The following MROH2B variants were observed in gnomAD, a reference collection of about 807,000 sequenced individuals.
MROH2B encodes the protein maestro heat-like repeat-containing protein family member 2B.
Under a neutral mutation model 208.6 loss-of-function variants are expected in MROH2B, and 177 were observed. The observed-to-expected ratio is 0.85, with a 90% CI of 0.75 to 0.96. MROH2B has a LOEUF of 0.96. MROH2B is among the 40% of genes least tolerant of loss of function. The pLI, the probability that MROH2B is intolerant of heterozygous loss-of-function variation, is 0.00. For synonymous variants in MROH2B, 728 were observed against 659.0 expected, an observed-to-expected ratio of 1.10 and a Z score of -1.60; for missense variants, 2,002 against 1,878.7, an observed-to-expected ratio of 1.07 and a Z score of -1.21.
chr5:41,016,566 C>A (rs1459806476), intron 28 of MROH2B, among the ~76,000 whole-genome samples: 1 of 121,170 alleles, frequency 8.3e-6, no homozygotes, highest in Non-Finnish European at 1.6e-5. Flanking sequence ...GCAACCTCTG[C>A]CTTCCAGGTT....
intron 1 of MROH2B, among the ~76,000 whole-genome samples, chr5:41,070,351 T>A (rs1311339632): frequency 6.6e-6 from 1 of 152,074 alleles, no homozygotes; most frequent in African/African-American, 2.4e-5. Flanking sequence ...GGAAAAAAAA[T>A]TGAGTCAAAG....
intron 30 of MROH2B, among the ~76,000 whole-genome samples, chr5:41,011,788 C>A (rs1258727670): frequency 6.6e-6 from 1 of 152,028 alleles, no homozygotes; most frequent in African/African-American, 2.4e-5. Context: ...CTGCCTCAGC[C>A]TCCCAAGTAG....
chr5:41,058,254 A>G (rs530914319), intron 6 of MROH2B, 51 bp from the exon 7 acceptor site: 4 of 1,423,938 alleles, frequency 2.8e-6, no homozygotes, highest in East Asian at 2.6e-5. Context: ...TATGTTTTTC[A>G]TAGGTTTTCA....
chr5:41,023,036 C>G (rs1322360864), intron 24 of MROH2B, among the ~76,000 whole-genome samples: 1 of 152,134 alleles, frequency 6.6e-6, no homozygotes, highest in African/African-American at 2.4e-5. Flanking sequence ...ACCAAAACCC[C>G]GTCTGTACAT....
At chr5:41,000,096 C>T (rs1466563592) in intron 39 of MROH2B, 124 bp downstream of exon 39, 5 of 1,295,338 alleles carry the variant, frequency 3.9e-6, no homozygotes, top group Non-Finnish European at 5.4e-6. Context: ...CAGGATATCA[C>T]TGCCATCCTT....
chr5:41,050,039 C>T (rs1743240435), intron 13 of MROH2B, among the ~76,000 whole-genome samples: 1 of 152,152 alleles, frequency 6.6e-6, no homozygotes, highest in South Asian at 2.1e-4. Context: ...AATCACCAGA[C>T]TCAGTCCTTT....
Position 41,054,835 on chromosome 5 carries a change from T to C in MROH2B, c.1039A>G (p.Arg347Gly), listed in dbSNP as rs1373922352. ...ATTGAAATGATGTGATCCCTCAACC[T>C]GGGCTCTGAAAGACAGAGGGAGAAA... ...LRLAVNADEP[R>G]LRDHIISIER... The change falls in exon 11 of 42, where the codon AGG becomes GGG. Residue 347 changes from arginine (R) to glycine (G), a missense_variant. Transcript: ENST00000399564. 1.1e-5 allele frequency: 17 copies of C among 1,609,098 alleles called. No homozygotes were observed. Among genetic ancestry groups the C allele is most frequent in the Non-Finnish European group, 1.4e-5 (17 of 1,177,418 alleles).
chr5:41,051,014 A>C lies in MROH2B; in HGVS notation c.1307T>G (p.Leu436Ter). 1.3e-6 allele frequency: 2 copies of C among 1,566,968 alleles called. No homozygotes were observed. The highest frequency in any genetic ancestry group is 1.7e-6 in the Non-Finnish European group (2 of 1,162,422). ...AATGACCAGTGGGTCCAGGGTTTTT[A>C]AGACCTCAAGGCTTGTTTCTCGGAC... ...ESVRETSLEV[L>*]KTLDPLVIGM... is the part of the protein sequence containing the mutation. Residue 436 changes from leucine to a stop codon, truncating the protein, a stop_gained, in exon 13 of 42, where the codon TTA becomes TGA. Transcript: ENST00000399564. LOFTEE classifies it high-confidence loss of function.
chr5:41,069,634 A>G, intron 2 of MROH2B, 57 bp downstream of exon 2: 1 of 1,350,520 alleles, frequency 7.4e-7, no homozygotes, highest in East Asian at 2.4e-5. Flanking sequence ...AATATATACG[A>G]AATGTTGCAA....
At chr5:41,055,331 C>T (rs1385301266) in intron 10 of MROH2B, among the ~76,000 whole-genome samples, 2 of 152,134 alleles carry the variant, frequency 1.3e-5, no homozygotes, top group African/African-American at 4.8e-5. Flanking sequence ...AAGATGCATT[C>T]AGTGTTATGA....
At position 41,052,503 on chromosome 5, in the gene MROH2B, A is replaced by C. The variant is rs772186385; in HGVS notation, c.1192T>G (p.Tyr398Asp). The part of the protein sequence containing the change: ...EAREGWPLID[Y>D]VFSQFATLNR... Reference sequence around the variant, plus strand: ...AACGTTGCAAACTGGGAGAAGACATAATCAATCAATGGCCATCCTTCCCGA... The same window carrying C: ...AACGTTGCAAACTGGGAGAAGACATCATCAATCAATGGCCATCCTTCCCGA... Residue 398 changes from tyrosine to aspartate, a missense_variant, in exon 12 of 42, where the codon TAT (tyrosine) becomes GAT (aspartate). Physicochemically the swap from Tyr to Asp is radical, Grantham distance 160. Coordinates refer to ENST00000399564, the MANE Select transcript of MROH2B (RefSeq NM_173489.5). 1.6e-5 allele frequency: 25 copies of C among 1,612,904 alleles called. No individual in the cohort carries two copies. The highest frequency in any genetic ancestry group is 2.0e-5 in the Non-Finnish European group (23 of 1,179,316).
intron 9 of MROH2B, 116 bp downstream of exon 9, chr5:41,056,993 G>GTGTGTGTT (rs1743475555): frequency 1.0e-6 from 1 of 999,700 alleles, no homozygotes; most frequent in Admixed American, 2.0e-5. Context: ...AAGAAACAGT[G>GTGTGTGTT]TGTGTGTTTG....
At chr5:41,021,172 G>A (rs1579918860) in intron 24 of MROH2B, among the ~76,000 whole-genome samples, 1 of 152,170 alleles carries the variant, frequency 6.6e-6, no homozygotes, top group East Asian at 1.9e-4. Flanking sequence ...TGAACAAACT[G>A]AAAAGGAAAT....
intron 19 of MROH2B, among the ~76,000 whole-genome samples, 191 bp downstream of exon 19, chr5:41,041,901 T>A (rs1003327144): frequency 2.0e-5 from 3 of 152,208 alleles, no homozygotes; most frequent in African/African-American, 4.8e-5. Context: ...ATAAACTTGG[T>A]TAAAAATGAA....
intron 11 of MROH2B, among the ~76,000 whole-genome samples, chr5:41,053,377 G>A (rs1743343576): frequency 1.3e-5 from 2 of 152,126 alleles, no homozygotes; most frequent in East Asian, 3.9e-4. Flanking sequence ...TTTTCTAAAA[G>A]CTGAAAAATT....
At chr5:41,045,217 T>C (rs2150173307) in intron 18 of MROH2B, among the ~76,000 whole-genome samples, 1 of 152,346 alleles carries the variant, frequency 6.6e-6, no homozygotes, top group South Asian at 2.1e-4. Context: ...AACTGACACA[T>C]GGCTGTGGGT....
intron 24 of MROH2B, among the ~76,000 whole-genome samples, chr5:41,025,264 T>C (rs1742310120): frequency 6.6e-6 from 1 of 151,342 alleles, no homozygotes; most frequent in Non-Finnish European, 1.5e-5. Flanking sequence ...TTTGAAAAGA[T>C]CAACAAAATT....
At chr5:41,059,523 A>G (rs1484351226) in intron 6 of MROH2B, among the ~76,000 whole-genome samples, 6 of 152,162 alleles carry the variant, frequency 3.9e-5, no homozygotes, top group Non-Finnish European at 7.3e-5. Context: ...ACAACAAATC[A>G]TCTCAAAACT....
At chr5:41,022,820 G>A (rs1011357641) in intron 24 of MROH2B, among the ~76,000 whole-genome samples, 3 of 152,156 alleles carry the variant, frequency 2.0e-5, no homozygotes, top group South Asian at 2.1e-4. Context: ...CATCTCACAC[G>A]ATCAGGTACG....
Sources: allele counts gnomAD v4.1 joint callset (sites outside exome capture counted in the v4.1 genomes callset), GRCh38; gene constraint gnomAD v4.1.1; transcripts MANE v1.5; gene names NCBI Gene and HGNC (gene_info 2026-07-23, HGNC 2026-07-21).